SPARCL1: variants seen among roughly 807,000 people sequenced by gnomAD.
SPARCL1 encodes SPARC-like protein 1.
SPARCL1 carries 52 observed loss-of-function variants against 67.1 expected under a neutral mutation model. That is an observed-to-expected ratio of 0.78 (90% CI 0.62 to 0.98). The LOEUF (loss-of-function observed/expected upper bound fraction) is 0.98, where lower values mean the gene tolerates loss of function less well. Among genes scored for constraint, SPARCL1 ranks in the 50% least tolerant of loss-of-function variants. The pLI is 0.00. For synonymous variants in SPARCL1, 226 were observed against 267.8 expected (o/e 0.84, Z 1.52); for missense variants, 717 against 782.4 (o/e 0.92, Z 1.00).
intron 1 of SPARCL1, among the ~76,000 whole-genome samples, chr4:87,527,317 G>C (rs1311019081): frequency 6.6e-6 from 1 of 152,070 alleles, no homozygotes; most frequent in Non-Finnish European, 1.5e-5. Context: ...TTATTTATGG[G>C]GGTCTCCTTC....
intron 4 of SPARCL1, among the ~76,000 whole-genome samples, chr4:87,493,365 A>G (rs1189662041): frequency 2.0e-5 from 3 of 152,196 alleles, no homozygotes; most frequent in African/African-American, 7.2e-5. Context: ...TAAATAAACA[A>G]CACTCAAATC....
At position 87,494,257 on chromosome 4, in the gene SPARCL1, A is replaced by G. The variant is rs779322133; in HGVS notation, c.543T>C (p.His181=). 1.3e-5 allele frequency: 21 copies of G among 1,613,844 alleles called. No homozygotes were observed. The highest frequency in any genetic ancestry group is 5.5e-5 in the South Asian group (5 of 91,074). Reference sequence around the variant, plus strand: ...TTCCTTGATCCCTTAGGCCTTGGCTATGTTTACTGCTCCTGTTCAACTGAT... The same window carrying G: ...TTCCTTGATCCCTTAGGCCTTGGCTGTGTTTACTGCTCCTGTTCAACTGAT... ...SHHQLNRSSK[H]SQGLRDQGNQ... is the part of the protein sequence containing the mutation. Residue 181 remains histidine (H), a synonymous_variant, in exon 4 of 11, where the codon CAT becomes CAC. Transcript: ENST00000282470.
intron 1 of SPARCL1, among the ~76,000 whole-genome samples, chr4:87,506,388 G>T (rs564159329): frequency 1.3e-5 from 2 of 152,304 alleles, no homozygotes; most frequent in African/African-American, 4.8e-5. Context: ...GTGTGTCTCT[G>T]AGGGTGTGTT....
At chr4:87,487,511 T>C (rs1371856307) in intron 7 of SPARCL1, among the ~76,000 whole-genome samples, 2 of 152,220 alleles carry the variant, frequency 1.3e-5, no homozygotes, top group East Asian at 1.9e-4. Flanking sequence ...CCTTTCTGTC[T>C]GGCTGCCCTT....
At chr4:87,490,526 C>G in intron 6 of SPARCL1, 133 bp from the exon 7 acceptor site, 2 of 1,092,758 alleles carry the variant, frequency 1.8e-6, no homozygotes, top group Non-Finnish European at 1.3e-6. Context: ...CTATTAAAAT[C>G]GTAATTGTTC....
intron 10 of SPARCL1, among the ~76,000 whole-genome samples, chr4:87,479,048 G>C (rs1723698194): frequency 6.6e-6 from 1 of 152,082 alleles, no homozygotes; most frequent in South Asian, 2.1e-4. Context: ...AAATGGGCTT[G>C]CTTTTTTATT....
At chr4:87,487,026 T>A (rs942805223) in intron 7 of SPARCL1, among the ~76,000 whole-genome samples, 18 of 150,838 alleles carry the variant, frequency 1.2e-4, no homozygotes, top group Non-Finnish European at 1.9e-4. Context: ...AGTATGCTGA[T>A]GGGTCTTGAC....
chr4:87,490,468 A>T, intron 6 of SPARCL1, 75 bp from the exon 7 acceptor site: 1 of 1,499,464 alleles, frequency 6.7e-7, no homozygotes, highest in South Asian at 1.3e-5. Flanking sequence ...CTTAAAGCTC[A>T]TATGCTGATA....
chr4:87,518,002 G>A (rs965484562), intron 1 of SPARCL1, among the ~76,000 whole-genome samples: 4 of 152,296 alleles, frequency 2.6e-5, no homozygotes, highest in African/African-American at 9.6e-5. Context: ...CGTGGTCCAA[G>A]CTTCTCATGT....
At chr4:87,499,479 G>A (rs765502532) in intron 2 of SPARCL1, 42 bp downstream of exon 2, 24 of 1,481,770 alleles carry the variant, frequency 1.6e-5, no homozygotes, top group Middle Eastern at 1.7e-4. Flanking sequence ...TGCATTAAAT[G>A]TCAGGAGAAA....
chr4:87,495,091 T>G lies in SPARCL1; in HGVS notation c.91A>C (p.Thr31Pro), dbSNP rs774944850. ...ARLLSDHSKP[T>P]AETVAPDNTA... ...TTGTCAGGTGCTACCGTTTCAGCAG[T>G]TGGTTTGGAATGATCAGATAATAAT... Residue 31 changes from threonine (T) to proline (P), a missense_variant, in exon 3 of 11, where the codon ACT becomes CCT. Physicochemically the swap from Thr to Pro is conservative, Grantham distance 38. Coordinates refer to ENST00000282470, the MANE Select transcript of SPARCL1 (RefSeq NM_004684.6). 4 of 1,611,346 alleles carry G rather than the reference T, an allele frequency of 2.5e-6. No individual in the cohort carries two copies. The African/African-American group carries it at 5.4e-5, about 22-fold the overall frequency.
At chr4:87,482,133 A>G (rs1723846602) in intron 8 of SPARCL1, among the ~76,000 whole-genome samples, 1 of 152,222 alleles carries the variant, frequency 6.6e-6, no homozygotes, top group African/African-American at 2.4e-5. Context: ...GACTAGATCA[A>G]TGCTAAATTT....
In SPARCL1 at chr4:87,525,869, T is replaced by G. The variant is rs776106493; in HGVS notation, c.-12+3176A>C. On this transcript the variant is annotated intron_variant, in intron 1 of 10. Transcript: ENST00000282470. ...ATGACGACAGCCTGCTCCTGCTACA[T>G]GCAGCCAGAAAAAGCAGCTTACATT... Among the ~76,000 whole-genome samples the G allele has an allele frequency of 3.9e-5, 6 of 152,132 alleles. 1 individual carries two copies. Among genetic ancestry groups the G allele is most frequent in the Non-Finnish European group, 8.8e-5 (6 of 68,040 alleles).
At chr4:87,484,515 G>C (rs570775968) in intron 7 of SPARCL1, among the ~76,000 whole-genome samples, 1 of 152,130 alleles carries the variant, frequency 6.6e-6, no homozygotes, top group Non-Finnish European at 1.5e-5. Context: ...GTTAGTTAGC[G>C]TGATGCCTCC....
intron 1 of SPARCL1, among the ~76,000 whole-genome samples, chr4:87,502,172 A>T (rs1724880775): frequency 6.6e-6 from 1 of 152,188 alleles, no homozygotes; most frequent in Non-Finnish European, 1.5e-5. Flanking sequence ...TTTTAAATTG[A>T]CAAATAACAA....
intron 8 of SPARCL1, among the ~76,000 whole-genome samples, chr4:87,481,154 A>G (rs1038021859): frequency 6.6e-6 from 1 of 152,182 alleles, no homozygotes; most frequent in African/African-American, 2.4e-5. Context: ...ATTGGAAGCA[A>G]ACAGGACCTC....
chr4:87,490,699 A>G (rs1724287137), intron 6 of SPARCL1, 61 bp downstream of exon 6: 1 of 1,161,664 alleles, frequency 8.6e-7, no homozygotes. Flanking sequence ...AATGGCAAAT[A>G]TTTTTATTTC....
chr4:87,498,418 G>A (rs1313200811), intron 2 of SPARCL1, among the ~76,000 whole-genome samples: 7 of 152,068 alleles, frequency 4.6e-5, no homozygotes, highest in Admixed American at 4.6e-4. Context: ...TTGAGAAATT[G>A]TTTTGTCTCT....
intron 1 of SPARCL1, among the ~76,000 whole-genome samples, chr4:87,524,586 A>G (rs1394330653): frequency 2.6e-5 from 4 of 152,114 alleles, no homozygotes; most frequent in African/African-American, 9.7e-5. Flanking sequence ...ACCCCTACCT[A>G]GTTCTTATTT....
Sources: gnomAD v4.1 joint callset for allele counts (sites outside exome capture counted in the v4.1 genomes callset) on GRCh38, gnomAD v4.1.1 for gene constraint, MANE v1.5 for transcripts, NCBI Gene and HGNC (gene_info 2026-07-23, HGNC 2026-07-21) for gene names.